Variants in RBFOX3 observed in about 807,000 individuals in gnomAD.
The protein encoded by RBFOX3 is RNA binding fox-1 homolog 3, also known as RNA binding protein fox-1 homolog 3.
RBFOX3 carries 17 observed loss-of-function variants against 48.7 expected under a neutral mutation model. The observed-to-expected ratio is 0.35, with a 90% CI of 0.24 to 0.52. The LOEUF (loss-of-function observed/expected upper bound fraction) is 0.52. RBFOX3 is among the 20% of genes least tolerant of loss of function. The probability of loss-of-function intolerance (pLI) is 0.94; values close to 1 mark genes in which losing one functional copy is unlikely to be tolerated. For missense variants in RBFOX3, 382 were observed against 497.5 expected (o/e 0.77, Z 2.21); for synonymous variants, 212 against 209.5 (o/e 1.01, Z -0.10).
chr17:79,389,071 C>T (rs373432120), intron 2 of RBFOX3, among the ~76,000 whole-genome samples: 1 of 151,960 alleles, frequency 6.6e-6, no homozygotes, highest in East Asian at 1.9e-4. Context: ...TGAATGAGAA[C>T]AGAGACGGAG....
intron 1 of RBFOX3, among the ~76,000 whole-genome samples, chr17:79,491,867 G>T (rs2080723002): frequency 1.3e-5 from 2 of 152,280 alleles, no homozygotes; most frequent in South Asian, 2.1e-4. Flanking sequence ...ATCACTTGAG[G>T]TCAGGAGTTC....
chr17:79,422,848 G>A (rs531408385), intron 2 of RBFOX3, among the ~76,000 whole-genome samples: 1 of 152,270 alleles, frequency 6.6e-6, no homozygotes, highest in African/African-American at 2.4e-5. Flanking sequence ...GACCCTCATC[G>A]GATGGGATTG....
At chr17:79,097,198 T>C in intron 11 of RBFOX3, 94 bp downstream of exon 11, 1 of 916,418 alleles carries the variant, frequency 1.1e-6, no homozygotes, top group South Asian at 2.3e-5. Flanking sequence ...CTGGAAAGGC[T>C]GCCTAGCCCC....
At chr17:79,406,794 GACTCCCT>G (rs1172619436) in intron 2 of RBFOX3, among the ~76,000 whole-genome samples, 2 of 152,146 alleles carry the variant, frequency 1.3e-5, no homozygotes, top group Non-Finnish European at 2.9e-5. Flanking sequence ...GGGAAAGGGT[GACTCCCT>G]ACAATGCTGG....
the RBFOX3 span, among the ~76,000 whole-genome samples, chr17:79,630,032 A>G: frequency 6.6e-6 from 1 of 152,270 alleles, no homozygotes; most frequent in East Asian, 1.9e-4. Flanking sequence ...TAAATTTTCT[A>G]CATTGGATCT....
chr17:79,116,853 G>T (rs2034138731), intron 4 of RBFOX3, among the ~76,000 whole-genome samples: 1 of 152,268 alleles, frequency 6.6e-6, no homozygotes, highest in Non-Finnish European at 1.5e-5. Flanking sequence ...CAGGGCAGTG[G>T]TTGTCAAAGT....
chr17:79,512,981 G>A (rs1450851650), intron 1 of RBFOX3, among the ~76,000 whole-genome samples: 112 of 143,980 alleles, frequency 7.8e-4, no homozygotes, highest in African/African-American at 3.0e-3. Flanking sequence ...CCAGATACAT[G>A]TTACCATCGG....
rs1568297046 is a variant in RBFOX3 at position 79,463,920 on chromosome 17, T to TGCCACCTCCCCACCATC, written c.-175+18533_-175+18534insGATGGTGGGGAGGTGGC. Among the ~76,000 whole-genome samples the TGCCACCTCCCCACCATC allele has an allele frequency of 1.8e-3, 226 of 125,474 alleles. 1 individual carries two copies. Among genetic ancestry groups the TGCCACCTCCCCACCATC allele is most frequent in the Non-Finnish European group, 2.8e-3 (172 of 61,168 alleles). 82.3% of individuals were successfully genotyped at this position (125,474 alleles called of 152,430 possible). Reference sequence around the variant, plus strand: ...TCACCACTGCCACCACCACCACCATTGCCACTGCCACCTCCCCACCATCGC... The same window carrying TGCCACCTCCCCACCATC: ...TCACCACTGCCACCACCACCACCATTGCCACCTCCCCACCATCGCCACTGCCACCTCCCCACCATCGC... On this transcript the variant is annotated intron_variant, in intron 2 of 14. Transcript: ENST00000693108.
intron 3 of RBFOX3, among the ~76,000 whole-genome samples, chr17:79,265,990 A>T (rs1314419486): frequency 1.3e-5 from 2 of 152,208 alleles, no homozygotes; most frequent in Non-Finnish European, 2.9e-5. Context: ...GTGTAAATCC[A>T]TTCCCGCTGT....
At chr17:79,442,292 AGG>A (rs2071181883) in intron 2 of RBFOX3, among the ~76,000 whole-genome samples, 1 of 13,304 alleles carries the variant, frequency 7.5e-5, no homozygotes, top group African/African-American at 3.1e-4. Context: ...GGAGAGAGGG[AGG>A]GAGAGAGAGG....
chr17:79,142,180 T>C (rs911380806), intron 4 of RBFOX3, among the ~76,000 whole-genome samples: 1 of 152,156 alleles, frequency 6.6e-6, no homozygotes, highest in African/African-American at 2.4e-5. Context: ...TTTACCACCG[T>C]GACACTTTCA....
chr17:79,661,305 AG>A, the RBFOX3 span, among the ~76,000 whole-genome samples: 2 of 152,114 alleles, frequency 1.3e-5, no homozygotes, highest in African/African-American at 2.4e-5. Flanking sequence ...TTTTTAAAAA[AG>A]GTTAAAAAAA....
chr17:79,562,896 G>C (rs1363864148), intron 1 of RBFOX3, among the ~76,000 whole-genome samples: 4 of 152,246 alleles, frequency 2.6e-5, no homozygotes, highest in Non-Finnish European at 4.4e-5. Context: ...AGACTCGACA[G>C]AGCTGTGCTG....
intron 2 of RBFOX3, among the ~76,000 whole-genome samples, chr17:79,475,694 GCA>G (rs771984633): frequency 6.6e-6 from 1 of 152,032 alleles, no homozygotes; most frequent in Non-Finnish European, 1.5e-5. Flanking sequence ...ACACACAAAT[GCA>G]CACACACACA....
chr17:79,489,700 C>T (rs990626576), intron 1 of RBFOX3, among the ~76,000 whole-genome samples: 32 of 152,298 alleles, frequency 2.1e-4, no homozygotes, highest in Non-Finnish European at 3.8e-4. Context: ...GGAGCTTGCC[C>T]GGGGTGCAGT....
At chr17:79,285,926 A>G (rs945598892) in intron 3 of RBFOX3, among the ~76,000 whole-genome samples, 3 of 151,984 alleles carry the variant, frequency 2.0e-5, no homozygotes, top group Non-Finnish European at 2.9e-5. Context: ...CAGATGATCC[A>G]CCTACCTCGG....
intron 2 of RBFOX3, among the ~76,000 whole-genome samples, chr17:79,319,743 TTGTCTGGGCTGCTGGTCC>T (rs1247197203): frequency 4.0e-5 from 6 of 150,992 alleles, no homozygotes; most frequent in East Asian, 3.9e-4. Context: ...GCTGCTGGTC[TTGTCTGGGCTGCTGGTCC>T]TGTCTGGGCT....
chr17:79,434,404 A>C (rs1598673321), intron 2 of RBFOX3, among the ~76,000 whole-genome samples: 1 of 152,194 alleles, frequency 6.6e-6, no homozygotes, highest in East Asian at 1.9e-4. Flanking sequence ...ACGCAGCAAG[A>C]ACTGACTTAC....
intron 1 of RBFOX3, among the ~76,000 whole-genome samples, chr17:79,491,892 C>A (rs2080726802): frequency 1.3e-5 from 2 of 152,170 alleles, no homozygotes; most frequent in East Asian, 3.9e-4. Flanking sequence ...CCAGCCTGGC[C>A]AACATGGTGA....
Sources: allele counts gnomAD v4.1 joint callset (sites outside exome capture counted in the v4.1 genomes callset), GRCh38; gene constraint gnomAD v4.1.1; transcripts MANE v1.5; gene names NCBI Gene and HGNC (gene_info 2026-07-23, HGNC 2026-07-21).